The following SORCS1 variants were observed in gnomAD, a reference collection of about 807,000 sequenced individuals.
The protein encoded by SORCS1 is sortilin related VPS10 domain containing receptor 1, also known as VPS10 domain-containing receptor SorCS1.
A neutral mutation model predicts 146.1 loss-of-function variants in SORCS1; 60 were observed. That is an observed-to-expected ratio of 0.41 (90% CI 0.33 to 0.51). SORCS1 has a LOEUF of 0.51. Among genes scored for constraint, SORCS1 ranks in the 20% least tolerant of loss-of-function variants. The probability of loss-of-function intolerance (pLI) is 0.21; values close to 1 mark genes in which losing one functional copy is unlikely to be tolerated. For synonymous variants in SORCS1, 637 were observed against 584.0 expected, an observed-to-expected ratio of 1.09 and a Z score of -1.31; for missense variants, 1,352 against 1,487.6, an observed-to-expected ratio of 0.91 and a Z score of 1.50.
At chr10:107,098,648 T>A (rs570944644) in intron 1 of SORCS1, among the ~76,000 whole-genome samples, 14 of 152,358 alleles carry the variant, frequency 9.2e-5, no homozygotes, top group Non-Finnish European at 1.9e-4. Context: ...AATGCCTTTG[T>A]GGCATAACTT....
At chr10:106,800,539 T>C (rs1946813081) in intron 3 of SORCS1, among the ~76,000 whole-genome samples, 3 of 122,330 alleles carry the variant, frequency 2.5e-5, no homozygotes, top group Admixed American at 8.4e-5. Context: ...TTTTTTTTTT[T>C]AAGATGGAGT....
intron 21 of SORCS1, among the ~76,000 whole-genome samples, chr10:106,615,428 T>C (rs570993434): frequency 6.6e-6 from 1 of 152,300 alleles, no homozygotes; most frequent in East Asian, 1.9e-4. Context: ...TTACAAATCT[T>C]CCTGCTTTTT....
At chr10:106,965,133 T>G (rs1276558499) in intron 1 of SORCS1, among the ~76,000 whole-genome samples, 1 of 152,046 alleles carries the variant, frequency 6.6e-6, no homozygotes, top group Admixed American at 6.6e-5. Context: ...CAGCACTCAG[T>G]GCTACTTACC....
chr10:107,017,015 C>G (rs868207307), intron 1 of SORCS1, among the ~76,000 whole-genome samples: 12 of 152,286 alleles, frequency 7.9e-5, no homozygotes, highest in South Asian at 2.1e-4. Context: ...AAAATATTGA[C>G]TTGGTGAAAT....
chr10:107,104,692 C>T (rs542765808), intron 1 of SORCS1, among the ~76,000 whole-genome samples: 1 of 152,346 alleles, frequency 6.6e-6, no homozygotes, highest in South Asian at 2.1e-4. Context: ...CTCACATGAT[C>T]CTGGTATGAA....
At chr10:106,861,303 G>A (rs1379418355) in intron 2 of SORCS1, among the ~76,000 whole-genome samples, 1 of 151,554 alleles carries the variant, frequency 6.6e-6, no homozygotes. Flanking sequence ...GGGAGGCTGA[G>A]GCAAGAGAAC....
intron 17 of SORCS1, among the ~76,000 whole-genome samples, chr10:106,664,752 G>C (rs752125405): frequency 7.9e-5 from 12 of 152,050 alleles, no homozygotes; most frequent in Non-Finnish European, 1.5e-4. Flanking sequence ...TGATCCCTCT[G>C]TGTTTCAGCC....
rs1169740376 is a variant in SORCS1, at chr10:106,699,281, G to A, written c.1346C>T (p.Thr449Ile). Residue 449 changes from threonine to isoleucine, a missense_variant, in exon 9 of 26, where the codon ACC becomes ATC. Physicochemically the swap from Thr to Ile is moderately conservative, Grantham distance 89. This residue lies in a region of SORCS1 where 648 missense variants were observed against 793.8 expected (regional missense o/e 0.82). Coordinates refer to ENST00000263054, the MANE Select transcript of SORCS1 (RefSeq NM_052918.5). ...YISDTRGVYFTLALENVQSSR... is the reference protein window; with the variant it reads ...YISDTRGVYFILALENVQSSR... ...GCTCTGGACATTCTCCAAGGCCAGG[G>A]TGAAGTAGACACCACGTGTGTCTGA... 2 of 1,614,064 alleles carry A rather than the reference G, an allele frequency of 1.2e-6. No homozygotes were observed. The highest frequency in any genetic ancestry group is 1.1e-5 in the South Asian group (1 of 91,056).
At chr10:106,780,496 T>C (rs1012278057) in intron 3 of SORCS1, among the ~76,000 whole-genome samples, 4 of 152,220 alleles carry the variant, frequency 2.6e-5, no homozygotes, top group African/African-American at 7.2e-5. Context: ...GAGGTCATTG[T>C]CTGCCAGGAT....
In SORCS1 at chr10:106,762,386, C is replaced by CTTTTTT. The variant is rs869195563; in HGVS notation, c.886-731_886-726dup. On this transcript the variant is annotated intron_variant, in intron 4 of 25. Coordinates refer to ENST00000263054, the MANE Select transcript of SORCS1 (RefSeq NM_052918.5). ...TTCTTTCTAAGTCTTTTTTATTATTCTTTTTTTTTTTTTTTTTTTTTTTTG... is the reference window on the plus strand; with the variant it reads ...TTCTTTCTAAGTCTTTTTTATTATTCTTTTTTTTTTTTTTTTTTTTTTTTTTTTTTG... Among the ~76,000 whole-genome samples the CTTTTTT allele has an allele frequency of 2.6e-3, 195 of 73,814 alleles. 4 individuals are homozygous for CTTTTTT. Among genetic ancestry groups the CTTTTTT allele is most frequent in the South Asian group, 4.2e-3 (7 of 1,652 alleles). The allele number at this position is 73,814 out of a possible 152,430, so 48.4% of individuals were successfully genotyped here.
rs796816089 is a variant in SORCS1 at position 107,031,601 on chromosome 10, C to CT, written c.559-75022dup. 7.1e-3 allele frequency among the ~76,000 whole-genome samples: 1,023 copies of CT among 144,512 alleles called. 4 individuals are homozygous for CT. Among genetic ancestry groups the CT allele is most frequent in the Non-Finnish European group, 9.9e-3 (644 of 65,324 alleles). 94.8% of individuals were successfully genotyped at this position (144,512 alleles called of 152,430 possible). A position where few individuals can be genotyped will look rare whatever the true frequency, so the allele number is the denominator to read the frequency against. On this transcript the variant is annotated intron_variant, in intron 1 of 25. Transcript: ENST00000263054. ...TGAATGACAACCAATTTGTATCTCT[C>CT]TTTTTTTTTTTTGGTGGGGGGGAAT...
At chr10:107,128,274 C>T (rs939160221) in intron 1 of SORCS1, among the ~76,000 whole-genome samples, 8 of 152,118 alleles carry the variant, frequency 5.3e-5, no homozygotes, top group Non-Finnish European at 1.0e-4. Flanking sequence ...AGAATTTACA[C>T]AAAAGAAACA....
intron 2 of SORCS1, among the ~76,000 whole-genome samples, chr10:106,950,356 TC>T (rs1174159105): frequency 6.6e-6 from 1 of 152,180 alleles, no homozygotes; most frequent in Non-Finnish European, 1.5e-5. Flanking sequence ...GTCAACAGCC[TC>T]TTGGCCTCTT....
chr10:106,722,049 G>A (rs1004241765), intron 6 of SORCS1, among the ~76,000 whole-genome samples: 5 of 150,990 alleles, frequency 3.3e-5, no homozygotes, highest in Admixed American at 2.6e-4. Context: ...GTAAGTATAC[G>A]TGTCTATACA....
intron 5 of SORCS1, among the ~76,000 whole-genome samples, chr10:106,752,711 G>A (rs142029343): frequency 6.6e-6 from 1 of 152,252 alleles, no homozygotes; most frequent in East Asian, 1.9e-4. Context: ...GAATGGAGAG[G>A]CTTTTTCATT....
At chr10:107,164,871 C>G (rs1304153945), upstream of SORCS1, among the ~76,000 whole-genome samples, 1 of 147,376 alleles carries the variant, frequency 6.8e-6, no homozygotes, top group African/African-American at 2.4e-5. The surrounding 1 kb of genome is among the most constrained non-coding windows in gnomAD (Gnocchi z 6.8). Context: ...CGCTGCGCAC[C>G]GGGTCTCCGG....
intron 2 of SORCS1, among the ~76,000 whole-genome samples, chr10:106,950,914 CATT>C (rs1210612596): frequency 2.0e-5 from 3 of 152,058 alleles, no homozygotes; most frequent in African/African-American, 7.2e-5. Flanking sequence ...CCAGTATTGT[CATT>C]ATTACCATTA....
At chr10:107,007,924 T>C (rs1479750730) in intron 1 of SORCS1, among the ~76,000 whole-genome samples, 1 of 152,222 alleles carries the variant, frequency 6.6e-6, no homozygotes. Flanking sequence ...TACAACATAC[T>C]CTTGTAGAAT....
intron 1 of SORCS1, among the ~76,000 whole-genome samples, chr10:106,998,939 C>T (rs953883994): frequency 1.3e-5 from 2 of 152,148 alleles, no homozygotes; most frequent in African/African-American, 4.8e-5. Flanking sequence ...TTTCAGTTCT[C>T]CCATTTGTTG....
Sources: gnomAD v4.1 joint callset for allele counts (sites outside exome capture counted in the v4.1 genomes callset) on GRCh38, gnomAD v4.1.1 for gene constraint, gnomAD v4.1.1 regional missense constraint, Gnocchi (gnomAD v3.1) non-coding constraint, MANE v1.5 for transcripts, NCBI Gene and HGNC (gene_info 2026-07-23, HGNC 2026-07-21) for gene names.